Variants in PPWD1 observed in about 807,000 individuals in gnomAD.
PPWD1 encodes peptidylprolyl isomerase domain and WD repeat-containing protein 1.
In PPWD1, 43 loss-of-function variants were observed where a neutral mutation model predicts 68.8. The ratio of observed to expected loss-of-function variants is 0.62; its 90% CI spans 0.49 to 0.81. The LOEUF is 0.81. PPWD1 is among the 30% of genes least tolerant of loss of function. The pLI is 0.00. For synonymous variants in PPWD1, 232 were observed against 258.7 expected (o/e 0.90, Z 0.99); for missense variants, 672 against 804.8 (o/e 0.83, Z 2.00).
chr5:65,563,599 GT>G, intron 1 of PPWD1, 93 bp downstream of exon 1: 2 of 1,464,094 alleles, frequency 1.4e-6, no homozygotes, highest in Non-Finnish European at 1.8e-6. Context: ...GATGTGTGGA[GT>G]TTTGTGCCCT....
intron 5 of PPWD1, among the ~76,000 whole-genome samples, chr5:65,573,122 G>C (rs1206646877): frequency 1.3e-5 from 2 of 151,702 alleles, no homozygotes; most frequent in South Asian, 2.1e-4. Context: ...TCTTGAACCT[G>C]CCTCCCACCA....
At chr5:65,570,043 T>G in intron 4 of PPWD1, 45 bp downstream of exon 4, 1 of 1,512,106 alleles carries the variant, frequency 6.6e-7, no homozygotes, top group Non-Finnish European at 9.1e-7. Context: ...ATTGAAGTAA[T>G]TTGTAAATCA....
intron 4 of PPWD1, among the ~76,000 whole-genome samples, chr5:65,570,915 T>A (rs1752983702): frequency 6.6e-6 from 1 of 152,168 alleles, no homozygotes; most frequent in African/African-American, 2.4e-5. Flanking sequence ...GGCTGAATTA[T>A]GCCCACAATT....
chr5:65,587,284 G>T lies in PPWD1; in HGVS notation c.1829G>T (p.Gly610Val), dbSNP rs1481376019. 6.2e-7 allele frequency: 1 copy of T among 1,611,476 alleles called. No individual in the cohort carries two copies. Among genetic ancestry groups the T allele is most frequent in the Admixed American group, 1.7e-5 (1 of 59,898 alleles). ...CTTGATAATAAGCATACAGTATTTG[G>T]ACGAGTGACTAAAGGAATGGAAGTT... ...PWLDNKHTVF[G>V]RVTKGMEVVQ... is the part of the protein sequence containing the mutation. Residue 610 changes from glycine (G) to valine (V), a missense_variant, in exon 11 of 11, where the codon GGA becomes GTA. Physicochemically the swap from Gly to Val is moderately radical, Grantham distance 109 (BLOSUM62 -3). This residue lies in a region of PPWD1 where 484 missense variants were observed against 646.2 expected (regional missense o/e 0.75). Transcript: ENST00000261308.
intron 6 of PPWD1, among the ~76,000 whole-genome samples, chr5:65,577,317 G>A (rs41353): frequency 0.62 from 94,217 of 151,978 alleles, 29,437 homozygotes; most frequent in South Asian, 0.65. Flanking sequence ...AAGTTGTTGT[G>A]TGTTTTTTTT....
chr5:65,578,144 A>C (rs2150601805), intron 6 of PPWD1, among the ~76,000 whole-genome samples: 1 of 152,332 alleles, frequency 6.6e-6, no homozygotes, highest in African/African-American at 2.4e-5. Flanking sequence ...TATGCATTTA[A>C]GTTTCCTCCA....
chr5:65,580,249 A>G (rs1753533213), intron 7 of PPWD1, among the ~76,000 whole-genome samples: 1 of 152,224 alleles, frequency 6.6e-6, no homozygotes, highest in African/African-American at 2.4e-5. Flanking sequence ...CAATGGAATC[A>G]GAGAACTTTT....
chr5:65,566,746 C>T (rs187656577), intron 1 of PPWD1, among the ~76,000 whole-genome samples: 1 of 151,870 alleles, frequency 6.6e-6, no homozygotes, highest in East Asian at 1.9e-4. Flanking sequence ...TCTCTCCCTC[C>T]CTCCCTTCGT....
chr5:65,573,481 T>TATATATATATATATAC (rs1304267719), intron 5 of PPWD1, among the ~76,000 whole-genome samples: 3 of 93,432 alleles, frequency 3.2e-5, no homozygotes, highest in African/African-American at 1.6e-4. Context: ...ATATATTTTT[T>TATATATATATATATAC]TTTTATTAGA....
Position 65,563,411 on chromosome 5 carries a change from T to C in PPWD1, c.101T>C (p.Val34Ala). 1.2e-6 allele frequency: 2 copies of C among 1,614,130 alleles called. No individual in the cohort carries two copies. The highest frequency in any genetic ancestry group is 1.7e-6 in the Non-Finnish European group (2 of 1,180,014). ...GAACTCAGCGAAAGAGAGCTGGCAG[T>C]AGCAGTGGCGGTGTCCCAGGAGAAC... ...KTELSERELAVAVAVSQENDE... is the reference protein window; with the variant it reads ...KTELSERELAAAVAVSQENDE... Residue 34 changes from valine to alanine, a missense_variant, in exon 1 of 11, where the codon GTA (valine) becomes GCA (alanine). This residue lies in a region of PPWD1 where 188 missense variants were observed against 158.6 expected (regional missense o/e 1.19). Transcript: ENST00000261308.
At chr5:65,582,851 A>T in intron 7 of PPWD1, 187 bp from the exon 8 acceptor site, 1 of 699,216 alleles carries the variant, frequency 1.4e-6, no homozygotes, top group South Asian at 3.2e-5. Context: ...GATCCTTTTC[A>T]TATTAGACAA....
At chr5:65,584,940 G>A (rs1453807635) in intron 8 of PPWD1, 74 bp from the exon 9 acceptor site, 9 of 1,528,212 alleles carry the variant, frequency 5.9e-6, no homozygotes, top group Non-Finnish European at 7.9e-6. Flanking sequence ...ACATCATTAG[G>A]AAGCAGAACT....
At position 65,572,121 on chromosome 5, in the gene PPWD1, A is replaced by G. The variant is rs1344703598; in HGVS notation, c.804A>G (p.Lys268=). The G allele has an allele frequency of 2.5e-5, 41 of 1,613,990 alleles. No homozygotes were observed. The highest frequency in any genetic ancestry group is 3.4e-5 in the Non-Finnish European group (40 of 1,179,976). ...CCAAAAATGTGAACTGGGAATATAA[A>G]ACTGACACTGATTTATATGAATTTG... ...KFPKNVNWEY[K]TDTDLYEFAK... is the part of the protein sequence containing the mutation. Residue 268 remains lysine, a synonymous_variant, in exon 5 of 11, where the codon AAA becomes AAG. Coordinates refer to ENST00000261308, the MANE Select transcript of PPWD1 (RefSeq NM_015342.4).
At position 65,563,455 on chromosome 5, in the gene PPWD1, C is replaced by A. The variant is rs755582777; in HGVS notation, c.145C>A (p.Arg49Ser). The A allele has an allele frequency of 6.2e-7, 1 of 1,614,010 alleles. No homozygotes were observed. Among genetic ancestry groups the A allele is most frequent in the South Asian group, 1.1e-5 (1 of 91,064 alleles). Residue 49 changes from arginine (R) to serine (S), a missense_variant, in exon 1 of 11, where the codon CGC becomes AGC. By Grantham distance (110) the Arg-to-Ser change is moderately radical. This residue lies in a region of PPWD1 where 188 missense variants were observed against 158.6 expected (regional missense o/e 1.19). Coordinates refer to ENST00000261308, the MANE Select transcript of PPWD1 (RefSeq NM_015342.4). ...SQENDEENEE[R>S]WVGPLPVEAT... ...GGAGAACGATGAGGAGAACGAAGAGCGCTGGGTTGGACCTTTACCTGTGGA... is the reference window on the plus strand; with the variant it reads ...GGAGAACGATGAGGAGAACGAAGAGAGCTGGGTTGGACCTTTACCTGTGGA...
At chr5:65,566,073 A>G (rs764513568) in intron 1 of PPWD1, among the ~76,000 whole-genome samples, 18 of 152,304 alleles carry the variant, frequency 1.2e-4, no homozygotes, top group Middle Eastern at 6.8e-3. Context: ...CTTTATGCCC[A>G]TGTGACCTAG....
chr5:65,572,326 A>G, intron 5 of PPWD1, 40 bp downstream of exon 5: 1 of 1,508,276 alleles, frequency 6.6e-7, no homozygotes, highest in Non-Finnish European at 8.9e-7. Context: ...TACTTTTCTA[A>G]AAATGCTTTA....
In PPWD1 at chr5:65,587,213, T is replaced by C. The variant is rs16894025; in HGVS notation, c.1798-40T>C. 5.3e-3 allele frequency: 8,208 copies of C among 1,560,400 alleles called. 398 individuals carry two copies. In the African/African-American group the frequency reaches 0.1, roughly 19 times the overall value. On this transcript the variant is annotated intron_variant, in intron 10 of 10. Coordinates refer to ENST00000261308, the MANE Select transcript of PPWD1 (RefSeq NM_015342.4). ...AACCAGAGGATATAATTTAAAGAAATTGGGGTTTACCAAGATTTTCCATTT... is the reference window on the plus strand; with the variant it reads ...AACCAGAGGATATAATTTAAAGAAACTGGGGTTTACCAAGATTTTCCATTT...
chr5:65,567,676 A>G, intron 2 of PPWD1, 61 bp downstream of exon 2: 2 of 1,471,374 alleles, frequency 1.4e-6, no homozygotes, highest in Non-Finnish European at 1.8e-6. Flanking sequence ...AAAAAGCTTC[A>G]ATTTTGAGGT....
chr5:65,566,290 A>T (rs1383646525), intron 1 of PPWD1, among the ~76,000 whole-genome samples: 1 of 152,196 alleles, frequency 6.6e-6, no homozygotes, highest in Non-Finnish European at 1.5e-5. Context: ...AGAAGTTCCT[A>T]GGCTCTCTCC....
Sources: gnomAD v4.1 joint callset for allele counts (sites outside exome capture counted in the v4.1 genomes callset) on GRCh38, gnomAD v4.1.1 for gene constraint, gnomAD v4.1.1 regional missense constraint, MANE v1.5 for transcripts, NCBI Gene and HGNC (gene_info 2026-07-23, HGNC 2026-07-21) for gene names.